The following DRC11 variants were observed in gnomAD, a reference collection of about 807,000 sequenced individuals.
DRC11 encodes IQ and AAA domain-containing protein 1.
chr2:236,343,645 T>C, the DRC11 span: 1 of 1,074,236 alleles, frequency 9.3e-7, no homozygotes, highest in South Asian at 1.3e-5. This position sits in a 1 kb window ranked among gnomAD's most constrained non-coding sequence, Gnocchi z 6.6. Context: ...CCTGCATTTC[T>C]CTTAGACGTG....
chr2:236,419,412 T>A, the DRC11 span: 12 of 1,289,524 alleles, frequency 9.3e-6, no homozygotes, highest in Non-Finnish European at 1.2e-5. The surrounding 1 kb of genome is among the most constrained non-coding windows in gnomAD (Gnocchi z 4.8). Context: ...CGACCCCTTC[T>A]GGGGCATGGT....
At chr2:236,506,016 A>G in the DRC11 span, among the ~76,000 whole-genome samples, 3 of 152,070 alleles carry the variant, frequency 2.0e-5, no homozygotes, top group Non-Finnish European at 4.4e-5. The surrounding 1 kb of genome is among the most constrained non-coding windows in gnomAD (Gnocchi z 4.9). Flanking sequence ...TCATCATACC[A>G]CTGAATCAGC....
At chr2:236,414,642 T>C in the DRC11 span, among the ~76,000 whole-genome samples, 15 of 152,292 alleles carry the variant, frequency 9.8e-5, no homozygotes, top group Admixed American at 3.9e-4. Context: ...CTTTTGTGTT[T>C]TCTCTTCCAC....
the DRC11 span, among the ~76,000 whole-genome samples, chr2:236,318,976 G>A: frequency 3.0e-3 from 451 of 152,290 alleles, 3 homozygotes; most frequent in Non-Finnish European, 4.8e-3. The surrounding 1 kb of genome is among the most constrained non-coding windows in gnomAD (Gnocchi z 7.0). Context: ...GTGGACAGAC[G>A]TGCAGGGCAC....
At chr2:236,321,850 TG>T in the DRC11 span, among the ~76,000 whole-genome samples, 7 of 151,688 alleles carry the variant, frequency 4.6e-5, no homozygotes, top group Non-Finnish European at 1.0e-4. Context: ...GCACAGAGGG[TG>T]GGGGGGAAGT....
the DRC11 span, among the ~76,000 whole-genome samples, chr2:236,383,959 C>G: frequency 7.9e-5 from 12 of 151,946 alleles, no homozygotes; most frequent in African/African-American, 2.4e-4. Context: ...ATGATGATTT[C>G]CAATTTCATC....
the DRC11 span, among the ~76,000 whole-genome samples, chr2:236,357,168 CTATATATTA>C: frequency 2.5e-5 from 2 of 80,512 alleles, no homozygotes; most frequent in Admixed American, 2.5e-4. Flanking sequence ...TCATATATAT[CTATATATTA>C]TATATATTCA....
chr2:236,413,374 C>T, the DRC11 span, among the ~76,000 whole-genome samples: 1 of 152,172 alleles, frequency 6.6e-6, no homozygotes, highest in East Asian at 1.9e-4. The surrounding 1 kb of genome is among the most constrained non-coding windows in gnomAD (Gnocchi z 4.0). Context: ...ATCTTCTTCT[C>T]TTATTGTATT....
At chr2:236,346,564 GC>G in the DRC11 span, 1 of 167,726 alleles carries the variant, frequency 6.0e-6, no homozygotes, top group African/African-American at 2.4e-5. Context: ...AGCGTGAGGG[GC>G]CAGCCCTAGG....
At chr2:236,392,146 C>T in the DRC11 span, 1 of 1,540,986 alleles carries the variant, frequency 6.5e-7, no homozygotes, top group Non-Finnish European at 9.0e-7. This position sits in a 1 kb window ranked among gnomAD's most constrained non-coding sequence, Gnocchi z 5.1. Context: ...TTTAAAAATC[C>T]CTTAAATTAT....
At chr2:236,322,229 C>CT in the DRC11 span, among the ~76,000 whole-genome samples, 14,565 of 98,592 alleles carry the variant, frequency 0.15, 1,743 homozygotes, top group Non-Finnish European at 0.18. Context: ...TTTCTTTCCT[C>CT]TTTTTTTTTT....
At chr2:236,409,572 C>T in the DRC11 span, among the ~76,000 whole-genome samples, 1 of 152,084 alleles carries the variant, frequency 6.6e-6, no homozygotes, top group African/African-American at 2.4e-5. Context: ...AATTTGACTT[C>T]CTCTTTTCCT....
chr2:236,326,491 C>A, the DRC11 span, among the ~76,000 whole-genome samples: 1 of 152,096 alleles, frequency 6.6e-6, no homozygotes, highest in South Asian at 2.1e-4. Context: ...AGAGTTCATA[C>A]CTCTTTCATT....
At chr2:236,480,986 T>A in the DRC11 span, among the ~76,000 whole-genome samples, 1 of 152,202 alleles carries the variant, frequency 6.6e-6, no homozygotes, top group South Asian at 2.1e-4. Context: ...CTCTAGCAAA[T>A]GTTTGGAGTG....
At chr2:236,335,531 C>G in the DRC11 span, among the ~76,000 whole-genome samples, 3,433 of 152,248 alleles carry the variant, frequency 0.023, 114 homozygotes, top group East Asian at 0.16. The surrounding 1 kb of genome is among the most constrained non-coding windows in gnomAD (Gnocchi z 5.6). Context: ...TGAGGAGATT[C>G]AGGTAGGAAT....
chr2:236,349,811 A>C, the DRC11 span, among the ~76,000 whole-genome samples: 4 of 152,174 alleles, frequency 2.6e-5, no homozygotes, highest in African/African-American at 7.2e-5. The surrounding 1 kb of genome is among the most constrained non-coding windows in gnomAD (Gnocchi z 5.5). Context: ...TAATCTATAC[A>C]ACAAACCCCT....
the DRC11 span, among the ~76,000 whole-genome samples, chr2:236,410,277 C>T: frequency 6.6e-6 from 1 of 151,828 alleles, no homozygotes; most frequent in African/African-American, 2.4e-5. Flanking sequence ...ATTATTGCCA[C>T]AATTTCAGCT....
the DRC11 span, among the ~76,000 whole-genome samples, chr2:236,309,987 T>C: frequency 6.6e-6 from 1 of 152,212 alleles, no homozygotes; most frequent in Admixed American, 6.5e-5. The surrounding 1 kb of genome is among the most constrained non-coding windows in gnomAD (Gnocchi z 5.7). Flanking sequence ...TGGCAAGCTC[T>C]CTGGTGCTGC....
the DRC11 span, chr2:236,419,385 C>T: frequency 2.1e-6 from 3 of 1,416,342 alleles, 1 homozygote; most frequent in Middle Eastern, 3.7e-4. The surrounding 1 kb of genome is among the most constrained non-coding windows in gnomAD (Gnocchi z 4.8). Context: ...CTCTGCCTGG[C>T]CCTGGACCCT....
Sources: allele counts gnomAD v4.1 joint callset (sites outside exome capture counted in the v4.1 genomes callset), GRCh38; gene constraint gnomAD v4.1.1; non-coding constraint Gnocchi (gnomAD v3.1); transcripts MANE v1.5; gene names NCBI Gene and HGNC (gene_info 2026-07-23, HGNC 2026-07-21).